Variants in RBL2 observed in about 807,000 individuals in gnomAD.
RBL2 encodes the protein retinoblastoma-like protein 2.
RBL2 carries 56 observed loss-of-function variants against 126.0 expected under a neutral mutation model. That is an observed-to-expected ratio of 0.44 (90% CI 0.36 to 0.56). The LOEUF (loss-of-function observed/expected upper bound fraction) is 0.56, where lower values mean the gene tolerates loss of function less well. RBL2 is among the 20% of genes least tolerant of loss of function. The pLI is 0.00. For synonymous variants in RBL2, 454 were observed against 478.5 expected (o/e 0.95, Z 0.67); for missense variants, 1,229 against 1,398.2 (o/e 0.88, Z 1.93).
intron 11 of RBL2, 102 bp downstream of exon 11, chr16:53,462,757 C>T: frequency 1.4e-6 from 1 of 709,144 alleles, no homozygotes; most frequent in Middle Eastern, 3.2e-4. Context: ...AGTCTCCTTT[C>T]ATACACAAAA....
intron 4 of RBL2, among the ~76,000 whole-genome samples, chr16:53,448,031 A>G (rs951222636): frequency 1.3e-5 from 2 of 152,260 alleles, no homozygotes; most frequent in African/African-American, 4.8e-5. Context: ...TCTGTATACT[A>G]TGTGGAATGC....
chr16:53,480,335 T>C (rs1035858181), intron 19 of RBL2: 10 of 546,596 alleles, frequency 1.8e-5, no homozygotes, highest in African/African-American at 3.8e-5. Context: ...CCTAGAAAAT[T>C]TGGTGTAACT....
At chr16:53,473,538 A>C (rs1035704542) in intron 17 of RBL2, among the ~76,000 whole-genome samples, 6 of 151,310 alleles carry the variant, frequency 4.0e-5, no homozygotes, top group African/African-American at 1.5e-4. Context: ...AGAAGTTATT[A>C]GTTCTAATAG....
At chr16:53,478,491 C>T (rs9921879) in intron 17 of RBL2, among the ~76,000 whole-genome samples, 5,257 of 148,750 alleles carry the variant, frequency 0.035, 277 homozygotes, top group African/African-American at 0.12. Flanking sequence ...TGTTTTTCTT[C>T]ATTCTTTCTC....
At chr16:53,457,888 G>A (rs2058184395) in intron 8 of RBL2, among the ~76,000 whole-genome samples, 1 of 152,166 alleles carries the variant, frequency 6.6e-6, no homozygotes, top group Non-Finnish European at 1.5e-5. Flanking sequence ...TGTGGGTGAT[G>A]TGGTTATATG....
chr16:53,443,116 A>T (rs940195970), intron 3 of RBL2: 2 of 188,502 alleles, frequency 1.1e-5, no homozygotes, highest in Non-Finnish European at 2.1e-5. Flanking sequence ...TTTTATTATT[A>T]TTTTTTCCTC....
chr16:53,485,749 C>T (rs565302031), intron 21 of RBL2, among the ~76,000 whole-genome samples: 6 of 151,682 alleles, frequency 4.0e-5, no homozygotes, highest in Middle Eastern at 3.4e-3. Flanking sequence ...CCAGCTACTC[C>T]GGAGGATAAG....
chr16:53,476,130 C>T (rs1341984667), intron 17 of RBL2, among the ~76,000 whole-genome samples: 2 of 152,052 alleles, frequency 1.3e-5, no homozygotes, highest in Non-Finnish European at 2.9e-5. Flanking sequence ...GGCCCTTCTT[C>T]ATTTTCAGTG....
chr16:53,480,445 T>C, intron 19 of RBL2, 122 bp from the exon 20 acceptor site: 1 of 776,330 alleles, frequency 1.3e-6, no homozygotes, highest in East Asian at 2.5e-5. Context: ...AAGAACAGAG[T>C]GCCTATTCAC....
chr16:53,442,236 C>T (rs149294507), intron 2 of RBL2, among the ~76,000 whole-genome samples: 2 of 152,246 alleles, frequency 1.3e-5, no homozygotes, highest in East Asian at 3.9e-4. Context: ...CACTCAAGCC[C>T]AGGAGTCTGC....
chr16:53,470,329 C>T (rs1298517530), intron 15 of RBL2, 54 bp from the exon 16 acceptor site: 23 of 1,584,944 alleles, frequency 1.5e-5, no homozygotes, highest in South Asian at 6.9e-5. Context: ...AACCTCTGCC[C>T]GGAGAACCTC....
chr16:53,480,606 C>G lies in RBL2; in HGVS notation c.2921C>G (p.Thr974Ser). Residue 974 changes from threonine (T) to serine (S), a missense_variant, in exon 20 of 22, where the codon ACC becomes AGC. This residue lies in a region of RBL2 where 1,070 missense variants were observed against 1,274.3 expected (regional missense o/e 0.84). Coordinates refer to ENST00000262133, the MANE Select transcript of RBL2 (RefSeq NM_005611.4). The stretch of plus-strand genomic sequence containing the variant: ...AGTCCAGTTATGAGGTCAAGCAGCA[C>G]CTTGCCAGTTCCACAGCCCAGCAGT... ...DSSPVMRSSS[T>S]LPVPQPSSAP... The G allele has an allele frequency of 1.2e-6, 2 of 1,614,034 alleles. No homozygotes were observed. The highest frequency in any genetic ancestry group is 1.7e-6 in the Non-Finnish European group (2 of 1,179,980).
chr16:53,488,543 AACTT>A, intron 21 of RBL2: 1 of 152,324 alleles, frequency 6.6e-6, no homozygotes, highest in East Asian at 1.9e-4. Flanking sequence ...TGATAGCTGA[AACTT>A]ACGGGGAGAA....
In RBL2 at chr16:53,453,567, G is replaced by A; in HGVS notation, c.882G>A (p.Lys294=). ...TAGTTTTGGAAGCAAAGGGGATAAA[G>A]GAACATTTCTGGAAACCCTATATTA... ...DGLVLEAKGI[K]EHFWKPYIRK... is the part of the protein sequence containing the mutation. The change falls in exon 6 of 22, where the codon AAG becomes AAA. Residue 294 remains lysine (K), a synonymous_variant. Coordinates refer to ENST00000262133, the MANE Select transcript of RBL2 (RefSeq NM_005611.4). 3 of 1,613,324 alleles carry A rather than the reference G, an allele frequency of 1.9e-6. No individual in the cohort carries two copies. The South Asian group carries it at 3.3e-5, about 18-fold the overall frequency.
At chr16:53,454,939 T>A in intron 8 of RBL2, 97 bp downstream of exon 8, 1 of 1,092,088 alleles carries the variant, frequency 9.2e-7, no homozygotes, top group Non-Finnish European at 1.3e-6. Flanking sequence ...TTTACTTGCC[T>A]ACAGTATGAA....
chr16:53,485,807 G>T (rs541981649), intron 21 of RBL2, among the ~76,000 whole-genome samples: 1 of 152,100 alleles, frequency 6.6e-6, no homozygotes, highest in South Asian at 2.1e-4. Context: ...AGTGAGCCAT[G>T]CTCACATTAC....
intron 4 of RBL2, among the ~76,000 whole-genome samples, chr16:53,447,487 G>A (rs890871152): frequency 3.9e-5 from 6 of 152,026 alleles, no homozygotes; most frequent in Non-Finnish European, 8.8e-5. Flanking sequence ...GAGCTGTTCA[G>A]ATTTTTTTTT....
At chr16:53,458,742 G>A (rs565294036) in intron 8 of RBL2, among the ~76,000 whole-genome samples, 73 of 152,234 alleles carry the variant, frequency 4.8e-4, no homozygotes, top group African/African-American at 1.6e-3. Flanking sequence ...CTTAGGTGGC[G>A]GTGGCAAGAG....
At position 53,469,924 on chromosome 16, in the gene RBL2, T is replaced by A. The variant is rs756110575; in HGVS notation, c.1984T>A (p.Ser662Thr). ...ATTTGTTTTGACCCTAGGCATAACA[T>A]CTCCAACCACATTATACGATAGGTA... ...DTGGLGRSIT[S>T]PTTLYDRYSS... Residue 662 changes from serine to threonine, a missense_variant, in exon 15 of 22, where the codon TCT becomes ACT. Transcript: ENST00000262133. 4.5e-6 allele frequency: 7 copies of A among 1,564,962 alleles called. No homozygotes were observed. The highest frequency in any genetic ancestry group is 5.2e-6 in the Non-Finnish European group (6 of 1,150,424).
Sources: gnomAD v4.1 joint callset for allele counts (sites outside exome capture counted in the v4.1 genomes callset) on GRCh38, gnomAD v4.1.1 for gene constraint, gnomAD v4.1.1 regional missense constraint, MANE v1.5 for transcripts, NCBI Gene and HGNC (gene_info 2026-07-23, HGNC 2026-07-21) for gene names.